Variants in TCP11L2 observed in about 807,000 individuals in gnomAD.
TCP11L2 encodes the protein t-complex 11 like 2.
Under a neutral mutation model 50.7 loss-of-function variants are expected in TCP11L2, and 39 were observed. That is an observed-to-expected ratio of 0.77 (90% CI 0.60 to 1.01). TCP11L2 has a LOEUF of 1.01. TCP11L2 is among the 50% of genes least tolerant of loss of function. TCP11L2 has a pLI of 0.00. For missense variants in TCP11L2, 612 were observed against 614.7 expected (o/e 1.00, Z 0.05); for synonymous variants, 192 against 219.3 (o/e 0.88, Z 1.10).
chr12:106,333,012 G>A (rs984497662), intron 6 of TCP11L2, among the ~76,000 whole-genome samples: 3 of 152,184 alleles, frequency 2.0e-5, no homozygotes, highest in African/African-American at 4.8e-5. Flanking sequence ...GGGAGGTAAC[G>A]TGAGGAGATA....
chr12:106,302,347 C>A (rs1463264448), upstream of TCP11L2, among the ~76,000 whole-genome samples: 131 of 120,968 alleles, frequency 1.1e-3, 4 homozygotes, highest in African/African-American at 4.5e-3. Flanking sequence ...GCTCAGCCCC[C>A]GCTCAGCCCC....
At chr12:106,345,825 C>G (rs185975199) in intron 9 of TCP11L2, among the ~76,000 whole-genome samples, 24 of 152,310 alleles carry the variant, frequency 1.6e-4, no homozygotes, top group Admixed American at 5.9e-4. Context: ...AGGATGGAAG[C>G]TTTGCTGATC....
At chr12:106,323,722 A>T (rs2035435077) in intron 6 of TCP11L2, 76 bp downstream of exon 6, 3 of 426,480 alleles carry the variant, frequency 7.0e-6, no homozygotes, top group Non-Finnish European at 1.1e-5. Context: ...TTTAAATTAA[A>T]TTAAATTAAA....
At chr12:106,329,307 A>C in intron 6 of TCP11L2, 3 of 1,536,092 alleles carry the variant, frequency 2.0e-6, no homozygotes, top group Non-Finnish European at 2.6e-6. Flanking sequence ...AATGAGTGGA[A>C]AAATTCTTAA....
At chr12:106,304,756 A>G (rs1449018331) in intron 1 of TCP11L2, among the ~76,000 whole-genome samples, 1 of 152,190 alleles carries the variant, frequency 6.6e-6, no homozygotes, top group Non-Finnish European at 1.5e-5. Context: ...GGTAATCTGA[A>G]TATTTCACTC....
In TCP11L2 at chr12:106,311,204, C is replaced by A; in HGVS notation, c.129C>A (p.Asp43Glu). 6.2e-7 allele frequency: 1 copy of A among 1,614,004 alleles called. No homozygotes were observed. Residue 43 changes from aspartate to glutamate, a missense_variant, in exon 2 of 10, where the codon GAC (aspartate) becomes GAA (glutamate). By Grantham distance (45) the Asp-to-Glu change is conservative. Coordinates refer to ENST00000299045, the MANE Select transcript of TCP11L2 (RefSeq NM_152772.3). ...YECSRQSFAS[D>E]SSSKSSSPAS... The stretch of plus-strand genomic sequence containing the variant: ...GCTCCAGGCAGAGCTTTGCAAGTGA[C>A]TCCTCCAGCAAATCCAGCTCTCCTG...
At chr12:106,333,378 CAG>C (rs2035807685) in intron 6 of TCP11L2, among the ~76,000 whole-genome samples, 1 of 152,124 alleles carries the variant, frequency 6.6e-6, no homozygotes, top group Non-Finnish European at 1.5e-5. Context: ...GGATAAATGT[CAG>C]AAACACTATG....
upstream of TCP11L2, among the ~76,000 whole-genome samples, chr12:106,300,079 G>A (rs540906404): frequency 1.3e-5 from 2 of 152,010 alleles, no homozygotes; most frequent in South Asian, 4.2e-4. Context: ...GTTCAAAAAG[G>A]TAAGTTAGAA....
At chr12:106,338,625 A>AT (rs776998788) in intron 8 of TCP11L2, among the ~76,000 whole-genome samples, 10 of 152,222 alleles carry the variant, frequency 6.6e-5, no homozygotes, top group Non-Finnish European at 1.3e-4. Context: ...CAGTGAATAT[A>AT]TGAGTACATG....
At chr12:106,314,140 T>C (rs1034239863) in intron 2 of TCP11L2, among the ~76,000 whole-genome samples, 1 of 152,212 alleles carries the variant, frequency 6.6e-6, no homozygotes. Context: ...TTTGAGACAA[T>C]GTTATCAAAT....
intron 2 of TCP11L2, among the ~76,000 whole-genome samples, chr12:106,311,747 A>G (rs768999003): frequency 2.0e-5 from 3 of 152,182 alleles, no homozygotes; most frequent in Non-Finnish European, 2.9e-5. Flanking sequence ...GAAAGAGTTA[A>G]AAGAGAGGCC....
rs193132207 is a variant in TCP11L2, at chr12:106,319,554, G to A, written c.414+1090G>A. Reference sequence around the variant, plus strand: ...AGCGCAGAGACTCTGGTTTAGTGACGGGTTCTCTCTTTAAGTCTCTCTTTC... The same window carrying A: ...AGCGCAGAGACTCTGGTTTAGTGACAGGTTCTCTCTTTAAGTCTCTCTTTC... On this transcript the variant is annotated intron_variant, in intron 4 of 9. Transcript: ENST00000299045. 3.1e-4 allele frequency among the ~76,000 whole-genome samples: 47 copies of A among 152,246 alleles called. No individual in the cohort carries two copies. The East Asian group carries it at 6.2e-3, about 20-fold the overall frequency.
chr12:106,330,166 G>C (rs1258824177), intron 6 of TCP11L2: 4 of 985,288 alleles, frequency 4.1e-6, no homozygotes, highest in Non-Finnish European at 4.8e-6. Context: ...TTTGTCCTAA[G>C]GCAGACAGCC....
chr12:106,335,574 A>G (rs2136794323), intron 6 of TCP11L2, 65 bp from the exon 7 acceptor site: 2 of 1,523,552 alleles, frequency 1.3e-6, no homozygotes, highest in South Asian at 1.2e-5. Context: ...GCATCTGTCA[A>G]GTGGAATACA....
chr12:106,334,138 G>A (rs1255101954), intron 6 of TCP11L2, among the ~76,000 whole-genome samples: 3 of 152,200 alleles, frequency 2.0e-5, no homozygotes, highest in Non-Finnish European at 4.4e-5. Context: ...CTCAACCCAA[G>A]TATGAGATGC....
In TCP11L2 at chr12:106,318,418, C is replaced by G. The variant is rs1410698534; in HGVS notation, c.368C>G (p.Pro123Arg). The part of the protein sequence containing the change: ...DVLDSELNAD[P>R]PEFEHAIKLF... ...TTGGATTCAGAACTAAATGCTGACC[C>G]TCCTGAGTTTGAACATGCCATCAAA... The change falls in exon 4 of 10, where the codon CCT (proline) becomes CGT (arginine). Residue 123 changes from proline (P) to arginine (R), a missense_variant. By Grantham distance (103) the Pro-to-Arg change is moderately radical. Coordinates refer to ENST00000299045, the MANE Select transcript of TCP11L2 (RefSeq NM_152772.3). 1 of 1,613,956 alleles carries G rather than the reference C, an allele frequency of 6.2e-7. No individual in the cohort carries two copies. The highest frequency in any genetic ancestry group is 8.5e-7 in the Non-Finnish European group (1 of 1,179,946).
At chr12:106,317,757 A>G (rs537371532) in intron 3 of TCP11L2, among the ~76,000 whole-genome samples, 5 of 152,302 alleles carry the variant, frequency 3.3e-5, no homozygotes, top group African/African-American at 9.6e-5. Context: ...TTAGGTAGGA[A>G]TGTGTATTTT....
At chr12:106,308,464 A>G (rs2034718996) in intron 1 of TCP11L2, among the ~76,000 whole-genome samples, 1 of 152,214 alleles carries the variant, frequency 6.6e-6, no homozygotes, top group African/African-American at 2.4e-5. Flanking sequence ...GAAAAATGAA[A>G]TGGACAGTTA....
chr12:106,306,738 C>G (rs1361809119), intron 1 of TCP11L2, among the ~76,000 whole-genome samples: 1 of 152,276 alleles, frequency 6.6e-6, no homozygotes, highest in East Asian at 1.9e-4. Flanking sequence ...TTGACAGATA[C>G]TATTTCAGTT....
Sources: gnomAD v4.1 joint callset for allele counts (sites outside exome capture counted in the v4.1 genomes callset) on GRCh38, gnomAD v4.1.1 for gene constraint, MANE v1.5 for transcripts, NCBI Gene and HGNC (gene_info 2026-07-23, HGNC 2026-07-21) for gene names.